The following TSPAN10 variants were observed in gnomAD, a reference collection of about 807,000 sequenced individuals.
The protein encoded by TSPAN10 is tetraspanin 10.
A neutral mutation model predicts 15.0 loss-of-function variants in TSPAN10; 11 were observed. The ratio of observed to expected loss-of-function variants is 0.73; its 90% CI spans 0.46 to 1.21. The LOEUF is 1.21. Ranked by LOEUF, TSPAN10 falls within the 50% of genes most tolerant of loss-of-function variation. The pLI, the probability that TSPAN10 is intolerant of heterozygous loss-of-function variation, is 0.00. For synonymous variants in TSPAN10, 241 were observed against 226.2 expected (o/e 1.07, Z -0.59); for missense variants, 486 against 470.6 (o/e 1.03, Z -0.30).
chr17:81,646,827 G>A (rs2036260597), intron 2 of TSPAN10, among the ~76,000 whole-genome samples: 3 of 150,818 alleles, frequency 2.0e-5, no homozygotes, highest in Admixed American at 2.0e-4. Context: ...CTGCTCAAGG[G>A]TAGCTGTCTT....
upstream of TSPAN10, chr17:81,642,379 CCTGTGCTGGGGGCTTT>C (rs1568178478): frequency 2.5e-6 from 4 of 1,613,432 alleles, no homozygotes; most frequent in Non-Finnish European, 3.4e-6. Flanking sequence ...TCTCCCGGCG[CCTGTGCTGGGGGCTTT>C]CTGTTCCAGC....
upstream of TSPAN10, among the ~76,000 whole-genome samples, chr17:81,640,184 A>G (rs1438583764): frequency 6.6e-6 from 1 of 151,946 alleles, no homozygotes; most frequent in African/African-American, 2.4e-5. Flanking sequence ...GGATCTTGCT[A>G]TGTTGCCCAG....
At chr17:81,643,037 G>A (rs1401805067) in intron 1 of TSPAN10, among the ~76,000 whole-genome samples, 6 of 147,750 alleles carry the variant, frequency 4.1e-5, no homozygotes, top group South Asian at 4.2e-4. Context: ...ATAGAGTCTC[G>A]CTCTGTCACC....
upstream of TSPAN10, among the ~76,000 whole-genome samples, chr17:81,641,658 G>A (rs1170361909): frequency 6.6e-6 from 1 of 152,052 alleles, no homozygotes; most frequent in Non-Finnish European, 1.5e-5. Flanking sequence ...GCTCCAGCCT[G>A]TAATCCCAGC....
At chr17:81,647,918 C>T in exon 3 of TSPAN10, 1 of 1,600,100 alleles carries the variant, frequency 6.2e-7, no homozygotes, top group Non-Finnish European at 8.5e-7. Context: ...AACTGCAGCT[C>T]CCCCGGGGTG....
chr17:81,637,451 GT>G (rs57463122), upstream of TSPAN10: 33,593 of 622,984 alleles, frequency 0.054, 1,214 homozygotes, highest in East Asian at 0.24. Flanking sequence ...ACACCTTCAT[GT>G]TTTTTTTTTT....
chr17:81,637,468 T>C (rs28660208), upstream of TSPAN10: 332,734 of 679,432 alleles, frequency 0.49, 91,727 homozygotes, highest in East Asian at 1. Flanking sequence ...TTTTTAAGTA[T>C]TTTTTAAATT....
chr17:81,642,957 G>C (rs1299240344), intron 1 of TSPAN10, among the ~76,000 whole-genome samples: 1 of 150,846 alleles, frequency 6.6e-6, no homozygotes, highest in Non-Finnish European at 1.5e-5. Flanking sequence ...TTCAAGACCA[G>C]CCTGGGCAAT....
exon 2 of TSPAN10, chr17:81,645,515 G>C (rs34896443): frequency 1.3e-6 from 2 of 1,589,172 alleles, no homozygotes; most frequent in African/African-American, 2.7e-5. Flanking sequence ...CACACCCTGC[G>C]TGTGGCCATC....
chr17:81,642,737 G>A (rs1302829928), intron 1 of TSPAN10, among the ~76,000 whole-genome samples: 5 of 152,208 alleles, frequency 3.3e-5, no homozygotes, highest in Non-Finnish European at 7.3e-5. Flanking sequence ...GAAGGCAAAT[G>A]TCCCTTGCAG....
upstream of TSPAN10, among the ~76,000 whole-genome samples, chr17:81,641,401 T>A (rs1053845737): frequency 6.6e-6 from 1 of 152,004 alleles, no homozygotes; most frequent in Admixed American, 6.6e-5. Flanking sequence ...AGACTCAGAG[T>A]GGCCTTCAAG....
chr17:81,648,640 C>T (rs1237759313), downstream of TSPAN10: 1 of 214,166 alleles, frequency 4.7e-6, no homozygotes, highest in Admixed American at 5.9e-5. Context: ...CTTCTGGGCT[C>T]GTGATGGTGG....
chr17:81,643,070 C>T (rs987793474), intron 1 of TSPAN10, among the ~76,000 whole-genome samples: 5 of 149,772 alleles, frequency 3.3e-5, no homozygotes, highest in Non-Finnish European at 7.4e-5. Flanking sequence ...AGTGGCACAA[C>T]CTCGGCTCAC....
chr17:81,641,934 A>G (rs564407360), upstream of TSPAN10, among the ~76,000 whole-genome samples: 1 of 152,164 alleles, frequency 6.6e-6, no homozygotes, highest in South Asian at 2.1e-4. Flanking sequence ...TCGTGCAGTG[A>G]ACAAGCCGGG....
At chr17:81,639,846 G>A (rs557307458), upstream of TSPAN10, among the ~76,000 whole-genome samples, 13 of 152,152 alleles carry the variant, frequency 8.5e-5, no homozygotes, top group East Asian at 1.6e-3. Context: ...CGGGCGTGGT[G>A]GCGGGTGCCT....
chr17:81,640,603 G>A (rs909366900), upstream of TSPAN10, among the ~76,000 whole-genome samples: 2 of 151,986 alleles, frequency 1.3e-5, no homozygotes, highest in Admixed American at 1.3e-4. Context: ...CATGCGCCAC[G>A]ATGCCCAGCT....
exon 1 of TSPAN10, chr17:81,637,227 AT>A (rs1248266561): frequency 1.0e-5 from 5 of 483,590 alleles, no homozygotes; most frequent in Non-Finnish European, 1.5e-5. Context: ...GGAGGAGGGG[AT>A]TTTGGAAAGT....
intron 2 of TSPAN10, chr17:81,646,697 G>T (rs1309479534): frequency 8.0e-6 from 1 of 125,434 alleles, no homozygotes; most frequent in African/African-American, 3.2e-5. Context: ...AAAAAGAAAA[G>T]AAAATGACTT....
chr17:81,647,682 C>T lies in TSPAN10; in HGVS notation c.675-219C>T. 4.6e-6 allele frequency: 3 copies of T among 646,796 alleles called. No homozygotes were observed. The South Asian group carries it at 5.3e-5, about 11-fold the overall frequency. The allele number at this position is 646,796 out of a possible 1,614,324, so 40.1% of individuals were successfully genotyped here. ...CACAGCCACCACCCCTACCTGCAAG[C>T]GCAGAGGACTGCCGTGCACAGGGAT... On this transcript the variant is annotated intron_variant, in intron 2 of 2. Coordinates refer to ENST00000611590, the Ensembl canonical transcript of TSPAN10.
Sources: allele counts gnomAD v4.1 joint callset (sites outside exome capture counted in the v4.1 genomes callset), GRCh38; gene constraint gnomAD v4.1.1; transcripts MANE v1.5; gene names NCBI Gene and HGNC (gene_info 2026-07-23, HGNC 2026-07-21).